Variants in ATP2B2 observed in about 807,000 individuals in gnomAD.
ATP2B2 encodes ATPase plasma membrane Ca2+ transporting 2.
A neutral mutation model predicts 120.0 loss-of-function variants in ATP2B2; 15 were observed. The ratio of observed to expected loss-of-function variants is 0.12; its 90% confidence interval spans 0.08 to 0.19. ATP2B2 has a LOEUF of 0.19. ATP2B2 is among the 10% of genes least tolerant of loss of function. The pLI is 1.00. For synonymous variants in ATP2B2, 694 were observed against 700.3 expected (o/e 0.99, Z 0.14); for missense variants, 1,045 against 1,719.8 (o/e 0.61, Z 6.94).
intron 5 of ATP2B2, among the ~76,000 whole-genome samples, chr3:10,394,113 T>C (rs1446000036): frequency 6.6e-6 from 1 of 152,042 alleles, no homozygotes; most frequent in African/African-American, 2.4e-5. Context: ...TGTGACCTTT[T>C]AGGCCTCTCC....
At chr3:10,413,626 G>A (rs2062687876) in intron 2 of ATP2B2, among the ~76,000 whole-genome samples, 1 of 152,208 alleles carries the variant, frequency 6.6e-6, no homozygotes, top group Non-Finnish European at 1.5e-5. Context: ...GGAGATCCAT[G>A]TACAGAGCGT....
At chr3:10,425,580 G>A (rs1258032484) in intron 2 of ATP2B2, among the ~76,000 whole-genome samples, 2 of 152,162 alleles carry the variant, frequency 1.3e-5, no homozygotes, top group Non-Finnish European at 2.9e-5. Context: ...GGTAACGAGT[G>A]TGACGCGCCG....
At chr3:10,348,184 G>T (rs73129232) in intron 16 of ATP2B2, among the ~76,000 whole-genome samples, 1,820 of 152,064 alleles carry the variant, frequency 0.012, 42 homozygotes, top group African/African-American at 0.041. Flanking sequence ...AGACTGATGG[G>T]ATCCCAGACC....
At chr3:10,597,008 C>T (rs2068781930) in intron 2 of ATP2B2, among the ~76,000 whole-genome samples, 2 of 150,318 alleles carry the variant, frequency 1.3e-5, no homozygotes, top group African/African-American at 5.0e-5. Flanking sequence ...CGCACACAGG[C>T]ACACACGCAC....
rs1271003547 is a variant in ATP2B2, at chr3:10,449,357, A to T, written c.187T>A (p.Ser63Thr). The T allele has an allele frequency of 6.8e-6, 11 of 1,614,058 alleles. No homozygotes were observed. Among genetic ancestry groups the T allele is most frequent in the Admixed American group, 3.3e-5 (2 of 60,002 alleles). The change falls in exon 2 of 23, where the codon TCA (serine) becomes ACA (threonine). Residue 63 changes from serine (S) to threonine (T), a missense_variant. This residue lies in a region of ATP2B2 where 139 missense variants were observed against 134.2 expected (regional missense o/e 1.04). Transcript: ENST00000360273. ...CTTGAACACTTACCTTCAACAGGTG[A>T]GGTTTTGAGGCGCCGGCAGATGGCT... ...TEAICRRLKT[S>T]PVEGLPGTAP...
chr3:10,512,471 C>CAG lies in ATP2B2; in HGVS notation c.-320+21567_-320+21568insCT, dbSNP rs2066786290. Among the ~76,000 whole-genome samples the CAG allele has an allele frequency of 4.6e-3, 247 of 53,284 alleles. 1 individual carries two copies. The highest frequency in any genetic ancestry group is 0.015 in the Middle Eastern group (2 of 132). The allele number at this position is 53,284 out of a possible 152,430, so 35.0% of individuals were successfully genotyped here. On this transcript the variant is annotated intron_variant, in intron 3 of 21. Transcript: ENST00000646379. ...GGGTGCTAAAGTGTGTGCGCACACA[C>CAG]ACACACACACACACACACACACACA...
Position 10,328,690 on chromosome 3 carries a change from T to G in ATP2B2, c.*124A>C. On this transcript the variant is annotated 3_prime_UTR_variant, in exon 23 of 23. Transcript: ENST00000360273. The stretch of plus-strand genomic sequence containing the variant: ...GTGGAAACGTTGGTTTTCTCTCCAG[T>G]ATTTGGTTTCCGATTGTTGCTCGTT... The G allele has an allele frequency of 2.0e-6, 2 of 999,478 alleles. No homozygotes were observed. Among genetic ancestry groups the G allele is most frequent in the Non-Finnish European group, 2.9e-6 (2 of 693,616 alleles). The allele number at this position is 999,478 out of a possible 1,614,324, so 61.9% of individuals were successfully genotyped here.
chr3:10,354,399 T>C (rs1431988686), intron 14 of ATP2B2, among the ~76,000 whole-genome samples: 1 of 152,206 alleles, frequency 6.6e-6, no homozygotes, highest in Non-Finnish European at 1.5e-5. Flanking sequence ...AAATGACTTC[T>C]CTCGCTAAAA....
chr3:10,683,026 G>A (rs754909027), intron 1 of ATP2B2, among the ~76,000 whole-genome samples: 2 of 152,106 alleles, frequency 1.3e-5, no homozygotes, highest in Non-Finnish European at 2.9e-5. Flanking sequence ...AACGAATGTG[G>A]ATACTAATAA....
chr3:10,675,927 G>A (rs1288578384), intron 1 of ATP2B2, among the ~76,000 whole-genome samples: 2 of 152,242 alleles, frequency 1.3e-5, no homozygotes, highest in African/African-American at 4.8e-5. Context: ...CTTCCCTGAT[G>A]ACCAAGCTGA....
Position 10,340,692 on chromosome 3 carries a change from A to G in ATP2B2, c.2930T>C (p.Phe977Ser). Residue 977 changes from phenylalanine (F) to serine (S), a missense_variant, in exon 20 of 23, where the codon TTC becomes TCC. By Grantham distance (155) the Phe-to-Ser change is radical (BLOSUM62 -2). This residue lies in a region of ATP2B2 where 211 missense variants were observed against 385.1 expected (regional missense o/e 0.55). Coordinates refer to ENST00000360273, the MANE Select transcript of ATP2B2 (RefSeq NM_001001331.4). This position sits in a 1 kb window ranked among gnomAD's most constrained non-coding sequence, Gnocchi z 5.0. ...CGCGTTCCTCCCGCTGTCGATCTGG[A>G]ACATCTTCTCGCCTGCCAAGTGAGA... ...FTLLFVGEKM[F>S]QIDSGRNAPL... 2 of 1,614,018 alleles carry G rather than the reference A, an allele frequency of 1.2e-6. No individual in the cohort carries two copies. The highest frequency in any genetic ancestry group is 1.7e-6 in the Non-Finnish European group (2 of 1,179,940).
intron 22 of ATP2B2, among the ~76,000 whole-genome samples, chr3:10,337,256 CA>C (rs1299920181): frequency 6.6e-6 from 1 of 152,192 alleles, no homozygotes; most frequent in Non-Finnish European, 1.5e-5. Flanking sequence ...CTCTCTGCTA[CA>C]TCGGATGGAA....
intron 1 of ATP2B2, among the ~76,000 whole-genome samples, chr3:10,496,956 C>T (rs2066177684): frequency 6.6e-6 from 1 of 152,232 alleles, no homozygotes; most frequent in Non-Finnish European, 1.5e-5. Flanking sequence ...CTTTTGCTGT[C>T]TCCAGGAGGG....
chr3:10,597,290 C>T (rs1336938822), intron 2 of ATP2B2, among the ~76,000 whole-genome samples: 6 of 150,908 alleles, frequency 4.0e-5, no homozygotes, highest in Non-Finnish European at 5.9e-5. Context: ...CAGGTACACA[C>T]ACACAGGCAC....
intron 1 of ATP2B2, among the ~76,000 whole-genome samples, chr3:10,473,699 G>C (rs1225919309): frequency 6.6e-6 from 1 of 152,234 alleles, no homozygotes; most frequent in Non-Finnish European, 1.5e-5. Flanking sequence ...TTTTGCCAGG[G>C]GGATGTGCAA....
At chr3:10,700,277 G>A (rs1259636948) in intron 1 of ATP2B2, among the ~76,000 whole-genome samples, 1 of 152,016 alleles carries the variant, frequency 6.6e-6, no homozygotes, top group East Asian at 1.9e-4. Context: ...TGTCCTAAGT[G>A]TTCTGCCTTC....
chr3:10,460,941 T>C (rs1248636709), intron 1 of ATP2B2, among the ~76,000 whole-genome samples: 1 of 152,080 alleles, frequency 6.6e-6, no homozygotes, highest in East Asian at 1.9e-4. Flanking sequence ...CCAGGGGATG[T>C]GTCTAAGTTG....
chr3:10,499,017 C>T (rs1351842577), intron 1 of ATP2B2, among the ~76,000 whole-genome samples: 1 of 152,170 alleles, frequency 6.6e-6, no homozygotes, highest in South Asian at 2.1e-4. Flanking sequence ...TTTCCCACTC[C>T]ACTTTGCATA....
intron 2 of ATP2B2, among the ~76,000 whole-genome samples, chr3:10,442,801 A>G (rs1363565100): frequency 6.6e-6 from 1 of 152,246 alleles, no homozygotes; most frequent in Non-Finnish European, 1.5e-5. Context: ...GCAGAGAATA[A>G]TAACAGTAAT....
Sources: gnomAD v4.1 joint callset for allele counts (sites outside exome capture counted in the v4.1 genomes callset) on GRCh38, gnomAD v4.1.1 for gene constraint, gnomAD v4.1.1 regional missense constraint, Gnocchi (gnomAD v3.1) non-coding constraint, MANE v1.5 for transcripts, NCBI Gene and HGNC (gene_info 2026-07-23, HGNC 2026-07-21) for gene names.